NRXN3: variants seen among roughly 807,000 people sequenced by gnomAD.
NRXN3 encodes neurexin III.
Under a neutral mutation model 137.6 loss-of-function variants are expected in NRXN3, and 32 were observed. The observed-to-expected ratio is 0.23, with a 90% CI of 0.18 to 0.31. The LOEUF (loss-of-function observed/expected upper bound fraction) is 0.31, where lower values mean the gene tolerates loss of function less well. Ranked by LOEUF, NRXN3 falls within the 10% of genes least tolerant of loss-of-function variation. The pLI, the probability that NRXN3 is intolerant of heterozygous loss-of-function variation, is 1.00. For synonymous variants in NRXN3, 798 were observed against 784.5 expected, an observed-to-expected ratio of 1.02 and a Z score of -0.29; for missense variants, 1,574 against 2,062.5, an observed-to-expected ratio of 0.76 and a Z score of 4.59.
intron 15 of NRXN3, among the ~76,000 whole-genome samples, chr14:79,446,599 G>A (rs2096067436): frequency 6.6e-6 from 1 of 151,858 alleles, no homozygotes; most frequent in African/African-American, 2.4e-5. Context: ...GTTCTTATAA[G>A]GTACCTACTA....
intron 4 of NRXN3, among the ~76,000 whole-genome samples, chr14:78,537,454 G>T (rs901497421): frequency 6.6e-6 from 1 of 152,160 alleles, no homozygotes; most frequent in African/African-American, 2.4e-5. Context: ...TTTTGGTGGG[G>T]TTGTTTGATT....
At chr14:79,467,112 G>A (rs1477250169) in intron 15 of NRXN3, 109 bp from the exon 16 acceptor site, 22 of 1,057,122 alleles carry the variant, frequency 2.1e-5, no homozygotes, top group Non-Finnish European at 2.6e-5. Flanking sequence ...CTGTCCCATG[G>A]GGGACATTTC....
chr14:78,817,529 A>G (rs2098937538), intron 10 of NRXN3, among the ~76,000 whole-genome samples: 2 of 152,140 alleles, frequency 1.3e-5, no homozygotes. Flanking sequence ...TTATAAAGAT[A>G]AGAGGATTAT....
chr14:78,773,572 AT>A (rs745931082), intron 8 of NRXN3, among the ~76,000 whole-genome samples: 145 of 150,578 alleles, frequency 9.6e-4, no homozygotes, highest in Non-Finnish European at 1.6e-3. Flanking sequence ...TTAATTTTTA[AT>A]TTTTTTTTTA....
rs140686711 is a variant in NRXN3 at position 79,479,898 on chromosome 14, C to T, written c.3444+12496C>T. Among the ~76,000 whole-genome samples the T allele has an allele frequency of 7.5e-3, 1,144 of 152,194 alleles. 8 individuals are homozygous for T. Among genetic ancestry groups the T allele is most frequent in the Middle Eastern group, 0.024 (7 of 294 alleles). ...TTTAGTTCCCAAATCTCAATAAAAA[C>T]ACTTCCAAATTTAGTGTATCAAAGA... On this transcript the variant is annotated intron_variant, in intron 16 of 20. Coordinates refer to ENST00000335750, the MANE Select transcript of NRXN3 (RefSeq NM_001330195.2).
intron 19 of NRXN3, among the ~76,000 whole-genome samples, chr14:79,783,405 A>G (rs968518255): frequency 6.6e-6 from 1 of 152,196 alleles, no homozygotes; most frequent in Non-Finnish European, 1.5e-5. Context: ...GCATTTTTAG[A>G]AAAGAGAGAG....
intron 4 of NRXN3, among the ~76,000 whole-genome samples, chr14:78,459,030 A>T (rs1445958168): frequency 6.6e-6 from 1 of 152,200 alleles, no homozygotes; most frequent in East Asian, 1.9e-4. Flanking sequence ...CTCTACTCCC[A>T]GCCCAAGTAA....
intron 19 of NRXN3, among the ~76,000 whole-genome samples, chr14:79,794,207 A>G (rs961806176): frequency 1.3e-5 from 2 of 152,066 alleles, no homozygotes; most frequent in Non-Finnish European, 2.9e-5. Context: ...TACAAAAAAT[A>G]CAAAAAATTA....
chr14:79,740,262 A>G (rs2098956465), intron 19 of NRXN3, among the ~76,000 whole-genome samples: 1 of 152,068 alleles, frequency 6.6e-6, no homozygotes, highest in Non-Finnish European at 1.5e-5. Context: ...GAAGTATAAC[A>G]ATAGCCTCCC....
chr14:79,679,215 T>G (rs931524503), intron 17 of NRXN3, among the ~76,000 whole-genome samples: 5 of 152,124 alleles, frequency 3.3e-5, no homozygotes, highest in Non-Finnish European at 7.4e-5. Context: ...CATGCTTTCA[T>G]TTGGGATATT....
chr14:79,089,220 T>C (rs1438479597), intron 15 of NRXN3, among the ~76,000 whole-genome samples: 1 of 152,276 alleles, frequency 6.6e-6, no homozygotes, highest in African/African-American at 2.4e-5. Flanking sequence ...AGTAAACTTA[T>C]AGAGAAAATA....
At chr14:79,155,742 A>AAGAT (rs1411447914) in intron 15 of NRXN3, among the ~76,000 whole-genome samples, 1 of 151,862 alleles carries the variant, frequency 6.6e-6, no homozygotes, top group Non-Finnish European at 1.5e-5. Flanking sequence ...AAGGCTTTTA[A>AAGAT]AGATATATAA....
In NRXN3 at chr14:78,197,148, T is replaced by A. The variant is rs777564436; in HGVS notation, c.-704+26474T>A. ...CTTTCCTTTGAGCTCTGCCCGTGGC[T>A]CTGTGAATACCAACGCCAGCATATA... On this transcript the variant is annotated intron_variant, in intron 1 of 20. Coordinates refer to ENST00000335750, the MANE Select transcript of NRXN3 (RefSeq NM_001330195.2). 7.9e-5 allele frequency among the ~76,000 whole-genome samples: 12 copies of A among 152,336 alleles called. No individual in the cohort carries two copies. In the East Asian group the frequency reaches 1.7e-3, roughly 22 times the overall value.
chr14:78,778,394 A>G (rs901435569), intron 8 of NRXN3, among the ~76,000 whole-genome samples: 6 of 152,218 alleles, frequency 3.9e-5, no homozygotes, highest in African/African-American at 1.2e-4. Flanking sequence ...TATCAGATAA[A>G]TACTGCTTCC....
At position 78,425,932 on chromosome 14, in the gene NRXN3, C is replaced by T. The variant is rs577879114; in HGVS notation, c.757+128072C>T. ...CCCAAGAAGTTATAAATACGCACCA[C>T]GTGAGTGGCCTGGGCACCTGATTCT... On this transcript the variant is annotated intron_variant, in intron 4 of 20. Coordinates refer to ENST00000335750, the MANE Select transcript of NRXN3 (RefSeq NM_001330195.2). 9.2e-5 allele frequency among the ~76,000 whole-genome samples: 14 copies of T among 152,312 alleles called. No individual in the cohort carries two copies. In the South Asian group the frequency reaches 1.9e-3, roughly 20 times the overall value.
intron 16 of NRXN3, among the ~76,000 whole-genome samples, chr14:79,470,940 A>AAGAGAG (rs370918167): frequency 1.8e-4 from 18 of 101,192 alleles, no homozygotes; most frequent in African/African-American, 6.6e-4. Flanking sequence ...GAGAGAGAGA[A>AAGAGAG]AGAGAGAGAG....
At chr14:78,518,823 C>T (rs944151673) in intron 4 of NRXN3, among the ~76,000 whole-genome samples, 1 of 152,062 alleles carries the variant, frequency 6.6e-6, no homozygotes, top group Non-Finnish European at 1.5e-5. Context: ...AAAGCATACC[C>T]CAGAACAAAG....
intron 4 of NRXN3, among the ~76,000 whole-genome samples, chr14:78,346,083 G>A (rs541666844): frequency 2.6e-5 from 4 of 152,172 alleles, no homozygotes; most frequent in Non-Finnish European, 5.9e-5. Context: ...TCAGCAACAG[G>A]GATCTGAAAC....
chr14:78,393,434 G>A (rs933743124), intron 4 of NRXN3, among the ~76,000 whole-genome samples: 23 of 151,890 alleles, frequency 1.5e-4, no homozygotes, highest in African/African-American at 5.1e-4. Context: ...CTAACTTCCC[G>A]TAGGCCTATT....
Sources: allele counts gnomAD v4.1 joint callset (sites outside exome capture counted in the v4.1 genomes callset), GRCh38; gene constraint gnomAD v4.1.1; transcripts MANE v1.5; gene names NCBI Gene and HGNC (gene_info 2026-07-23, HGNC 2026-07-21).